ARHGEF6: variants seen among roughly 807,000 people sequenced by gnomAD.
ARHGEF6 encodes rho guanine nucleotide exchange factor 6.
A neutral mutation model predicts 70.3 loss-of-function variants in ARHGEF6; 9 were observed. The observed-to-expected ratio is 0.13, with a 90% CI of 0.08 to 0.22. ARHGEF6 has a LOEUF of 0.22. Among genes scored for constraint, ARHGEF6 ranks in the 10% least tolerant of loss-of-function variants. The pLI is 1.00. For missense variants in ARHGEF6, 470 were observed against 563.0 expected (o/e 0.83, Z 1.67); for synonymous variants, 201 against 207.8 (o/e 0.97, Z 0.28).
chrX:136,725,372 CCA>C (rs2076842666), intron 6 of ARHGEF6, among the ~76,000 whole-genome samples: 1 of 104,869 alleles, frequency 9.5e-6, no homozygotes, highest in African/African-American at 3.5e-5. Flanking sequence ...TGCCCCCCCC[CCA>C]AAAAAAAACG....
intron 20 of ARHGEF6, among the ~76,000 whole-genome samples, chrX:136,671,006 T>C (rs1171050452): frequency 8.9e-6 from 1 of 111,997 alleles, no homozygotes; most frequent in Non-Finnish European, 1.9e-5. Flanking sequence ...TTTCTTTACA[T>C]GTAAAATGGG....
chrX:136,720,715 G>C (rs1046682341), intron 6 of ARHGEF6, among the ~76,000 whole-genome samples: 6 of 111,551 alleles, frequency 5.4e-5, no homozygotes, highest in African/African-American at 2.0e-4. Context: ...AAATAAAACC[G>C]TCTTTATTTG....
intron 19 of ARHGEF6, among the ~76,000 whole-genome samples, chrX:136,672,369 T>C (rs532775545): frequency 9.0e-6 from 1 of 111,380 alleles, no homozygotes; most frequent in South Asian, 3.8e-4. Context: ...AGAAAAATAA[T>C]GCAAAAGAGC....
In ARHGEF6 at chrX:136,676,695, G is replaced by A. The variant is rs774190321; in HGVS notation, c.1874C>T (p.Thr625Met). ...CCTTTTATGAAGAAATTTCTTCATC[G>A]TTTTAGGGCTTTTACTAGACTCCTG... ...ILKESSKSPK[T>M]MKKFLHKRKT... Residue 625 changes from threonine to methionine, a missense_variant, in exon 18 of 22, where the codon ACG becomes ATG. By Grantham distance (81) the Thr-to-Met change is moderately conservative. Coordinates refer to ENST00000250617, the MANE Select transcript of ARHGEF6 (RefSeq NM_004840.3). 4.2e-6 allele frequency: 5 copies of A among 1,202,298 alleles called. No homozygotes were observed. The highest frequency in any genetic ancestry group is 1.8e-5 in the South Asian group (1 of 56,631).
intron 2 of ARHGEF6, among the ~76,000 whole-genome samples, chrX:136,778,777 C>A (rs1033704951): frequency 9.0e-6 from 1 of 111,679 alleles, no homozygotes; most frequent in Non-Finnish European, 1.9e-5. Context: ...TCATGCCCGG[C>A]CTTATTTGAT....
chrX:136,711,533 A>G (rs2076684375), intron 7 of ARHGEF6, among the ~76,000 whole-genome samples: 1 of 112,074 alleles, frequency 8.9e-6, no homozygotes, highest in African/African-American at 3.2e-5. Context: ...TTCACATGAT[A>G]ATAACAAAAA....
In ARHGEF6 at chrX:136,687,755, T is replaced by C. The variant is rs139251674; in HGVS notation, c.1245+177A>G. On this transcript the variant is annotated intron_variant, in intron 11 of 21. Transcript: ENST00000250617. ...TACCCTCAGCCTGGCAACCTTTCTT[T>C]AGGTAAGCATGATTTTTGGAGGACA... Among the ~76,000 whole-genome samples, 399 of 112,352 alleles carry C rather than the reference T, an allele frequency of 3.6e-3. 3 individuals are homozygous for C. The highest frequency in any genetic ancestry group is 0.014 in the Middle Eastern group (3 of 217).
At chrX:136,685,030 CAT>C (rs1274084066) in intron 12 of ARHGEF6, among the ~76,000 whole-genome samples, 1 of 112,080 alleles carries the variant, frequency 8.9e-6, no homozygotes, top group Non-Finnish European at 1.9e-5. Context: ...CAAGCTTCTG[CAT>C]AGTCTAATTC....
intron 16 of ARHGEF6, among the ~76,000 whole-genome samples, chrX:136,678,991 T>C (rs1413188097): frequency 1.8e-5 from 2 of 111,659 alleles, no homozygotes; most frequent in Non-Finnish European, 3.8e-5. Flanking sequence ...ACTACCCAAA[T>C]ATCAAATGGC....
rs2077105980 is a variant in ARHGEF6, at chrX:136,747,502, G to A, written c.334+6C>T. On this transcript the variant is annotated splice_donor_region_variant and intron_variant, in intron 3 of 21. Transcript: ENST00000250617. ...CCAGAACATATAAATCACAAGCCCG[G>A]CTTACCTTCTGTTGCTTTGTTGACA... 3 of 1,201,573 alleles carry A rather than the reference G, an allele frequency of 2.5e-6. No individual in the cohort carries two copies. The East Asian group carries it at 8.9e-5, about 36-fold the overall frequency.
In ARHGEF6 at chrX:136,740,094, C is replaced by T. The variant is rs769156442; in HGVS notation, c.661+3491G>A. On this transcript the variant is annotated intron_variant, in intron 5 of 21. Transcript: ENST00000250617. ...CACGATCTCAGCTCACTGCAACCTC[C>T]GCCTCCTCGATTCAAACTATTCTCC... Among the ~76,000 whole-genome samples the T allele has an allele frequency of 2.7e-5, 3 of 111,126 alleles. No homozygotes were observed. The East Asian group carries it at 8.5e-4, about 31-fold the overall frequency.
intron 5 of ARHGEF6, chrX:136,737,289 GATCA>G (rs1445424182): frequency 9.0e-6 from 1 of 110,985 alleles, no homozygotes; most frequent in Non-Finnish European, 1.9e-5. Flanking sequence ...AGACCAGCCT[GATCA>G]ACATTCTTTA....
At chrX:136,732,256 A>G (rs753896177) in intron 5 of ARHGEF6, 84 bp from the exon 6 acceptor site, 2 of 712,014 alleles carry the variant, frequency 2.8e-6, no homozygotes, top group Non-Finnish European at 4.4e-6. Flanking sequence ...AACATACTAT[A>G]AAGATTCCCA....
Position 136,675,004 on chromosome X carries a change from T to A in ARHGEF6, c.2035+3A>T. 8.3e-7 allele frequency: 1 copy of A among 1,207,403 alleles called. No individual in the cohort carries two copies. The highest frequency in any genetic ancestry group is 1.1e-6 in the Non-Finnish European group (1 of 891,429). ...CTAGAGAAAGTAGTTTGGGGGAACC[T>A]ACTTGAGCCATGGCCTTGTTGAAAA... On this transcript the variant is annotated splice_donor_region_variant and intron_variant, in intron 19 of 21. Coordinates refer to ENST00000250617, the MANE Select transcript of ARHGEF6 (RefSeq NM_004840.3).
At chrX:136,723,317 T>G (rs1047759110) in intron 6 of ARHGEF6, among the ~76,000 whole-genome samples, 1 of 112,174 alleles carries the variant, frequency 8.9e-6, no homozygotes, top group African/African-American at 3.2e-5. Flanking sequence ...GAATTGTACC[T>G]CAGTAAAGCT....
intron 10 of ARHGEF6, among the ~76,000 whole-genome samples, chrX:136,688,197 C>T (rs1018401890): frequency 1.8e-5 from 2 of 110,904 alleles, no homozygotes; most frequent in African/African-American, 3.3e-5. Flanking sequence ...AGAAGAAAAA[C>T]GTTAATTTTA....
chrX:136,738,378 C>T (rs1283934367), intron 5 of ARHGEF6, among the ~76,000 whole-genome samples: 2 of 111,712 alleles, frequency 1.8e-5, no homozygotes, highest in East Asian at 5.6e-4. Context: ...CACACACAAC[C>T]TCTGCCTCCT....
Position 136,667,883 on chromosome X carries a change from G to A in ARHGEF6, c.*146C>T, listed in dbSNP as rs975116573. The A allele has an allele frequency of 6.4e-6, 5 of 777,959 alleles. No individual in the cohort carries two copies. The African/African-American group carries it at 8.3e-5, about 13-fold the overall frequency. 64.1% of individuals were successfully genotyped at this position (777,959 alleles called of 1,213,427 possible). A position where few individuals can be genotyped will look rare whatever the true frequency, so the allele number is the denominator to read the frequency against. Reference sequence around the variant, plus strand: ...ACGCACACACATATGCACACAGCGGGGAGAGAAAGAGAAGAGAGAGGGAGA... The same window carrying A: ...ACGCACACACATATGCACACAGCGGAGAGAGAAAGAGAAGAGAGAGGGAGA... On this transcript the variant is annotated 3_prime_UTR_variant, in exon 22 of 22. Transcript: ENST00000250617.
chrX:136,676,820 TCTC>T (rs1569387600), intron 17 of ARHGEF6, 103 bp from the exon 18 acceptor site: 1 of 576,826 alleles, frequency 1.7e-6, no homozygotes, highest in Non-Finnish European at 3.0e-6. Context: ...ATTTTGACAG[TCTC>T]AGTTAGGAGT....
Sources: gnomAD v4.1 joint callset for allele counts (sites outside exome capture counted in the v4.1 genomes callset) on GRCh38, gnomAD v4.1.1 for gene constraint, MANE v1.5 for transcripts, NCBI Gene and HGNC (gene_info 2026-07-23, HGNC 2026-07-21) for gene names.